The following DPYSL5 variants were observed in gnomAD, a reference collection of about 807,000 sequenced individuals.
DPYSL5 encodes the protein dihydropyrimidinase-related protein 5.
In DPYSL5, 9 loss-of-function variants were observed where a neutral mutation model predicts 58.4. The ratio of observed to expected loss-of-function variants is 0.15; its 90% CI spans 0.09 to 0.27. The LOEUF (loss-of-function observed/expected upper bound fraction) is 0.27, where lower values mean the gene tolerates loss of function less well. DPYSL5 is among the 10% of genes least tolerant of loss of function. The pLI is 1.00. For synonymous variants in DPYSL5, 293 were observed against 301.9 expected, an observed-to-expected ratio of 0.97 and a Z score of 0.31; for missense variants, 499 against 770.6, an observed-to-expected ratio of 0.65 and a Z score of 4.17.
intron 1 of DPYSL5, among the ~76,000 whole-genome samples, chr2:26,883,262 T>G (rs1219785135): frequency 6.6e-6 from 1 of 152,188 alleles, no homozygotes; most frequent in Non-Finnish European, 1.5e-5. Context: ...TATCTTGAGT[T>G]TTCTGATTAT....
intron 1 of DPYSL5, among the ~76,000 whole-genome samples, chr2:26,896,209 A>T (rs1166808705): frequency 6.6e-6 from 1 of 152,260 alleles, no homozygotes; most frequent in African/African-American, 2.4e-5. Context: ...GTTATTACAC[A>T]TGACAGGACC....
At chr2:26,874,471 A>T (rs1402626877) in intron 1 of DPYSL5, among the ~76,000 whole-genome samples, 1 of 151,942 alleles carries the variant, frequency 6.6e-6, no homozygotes, top group Admixed American at 6.6e-5. Context: ...TTGAAAGACT[A>T]CTCTTTCCCG....
rs542163809 is a variant in DPYSL5, at chr2:26,854,055, TAA to T, written c.-5+5803_-5+5804del. On this transcript the variant is annotated intron_variant, in intron 1 of 12. Transcript: ENST00000288699. ...ACTCTCTCAAAAATTAAAAAAAAAATAAAGTCAACTGATTATAGATGTTAACC... is the reference window on the plus strand; with the variant it reads ...ACTCTCTCAAAAATTAAAAAAAAAATAGTCAACTGATTATAGATGTTAACC... Among the ~76,000 whole-genome samples the T allele has an allele frequency of 1.7e-3, 259 of 151,376 alleles. 1 individual carries two copies. The highest frequency in any genetic ancestry group is 6.0e-3 in the African/African-American group (248 of 41,066).
At chr2:26,902,536 T>C (rs1664184393) in intron 2 of DPYSL5, among the ~76,000 whole-genome samples, 1 of 152,158 alleles carries the variant, frequency 6.6e-6, no homozygotes, top group Non-Finnish European at 1.5e-5. Flanking sequence ...GTGCCTTTTC[T>C]GCCTCCCTAT....
chr2:26,942,025 C>T lies in DPYSL5; in HGVS notation c.1165C>T (p.Pro389Ser), dbSNP rs765314115. Residue 389 changes from proline (P) to serine (S), a missense_variant, in exon 10 of 13, where the codon CCC becomes TCC. This residue lies in a region of DPYSL5 where 404 missense variants were observed against 647.6 expected (regional missense o/e 0.62). Transcript: ENST00000288699. The surrounding 1 kb of genome is among the most constrained non-coding windows in gnomAD (Gnocchi z 5.9). ...CGCAGCTAAGCTTCTGAACCTGTAT[C>T]CCCGCAAGGGCCGCATTATTCCCGG... ...SNAAKLLNLY[P>S]RKGRIIPGAD... 1.2e-6 allele frequency: 2 copies of T among 1,614,198 alleles called. No individual in the cohort carries two copies. Among genetic ancestry groups the T allele is most frequent in the African/African-American group, 2.7e-5 (2 of 75,048 alleles).
At chr2:26,865,665 T>C (rs987761040) in intron 1 of DPYSL5, among the ~76,000 whole-genome samples, 3 of 152,320 alleles carry the variant, frequency 2.0e-5, no homozygotes, top group Middle Eastern at 3.4e-3. Context: ...GCCCACTTTA[T>C]TGTATAAACA....
intron 1 of DPYSL5, among the ~76,000 whole-genome samples, chr2:26,874,460 G>T (rs1055960344): frequency 1.3e-5 from 2 of 152,020 alleles, no homozygotes; most frequent in African/African-American, 2.4e-5. Context: ...AGCATCATTT[G>T]TTGAAAGACT....
At chr2:26,899,905 GT>G (rs1664112523) in intron 2 of DPYSL5, among the ~76,000 whole-genome samples, 1 of 152,206 alleles carries the variant, frequency 6.6e-6, no homozygotes, top group Non-Finnish European at 1.5e-5. Flanking sequence ...TGCAACTGAT[GT>G]TTTGATTATG....
intron 1 of DPYSL5, among the ~76,000 whole-genome samples, chr2:26,886,316 G>A (rs1663719993): frequency 6.6e-6 from 1 of 152,166 alleles, no homozygotes; most frequent in East Asian, 1.9e-4. Flanking sequence ...TCAGATGAAT[G>A]AGGTGTGGAG....
chr2:26,874,603 G>A (rs1457666539), intron 1 of DPYSL5, among the ~76,000 whole-genome samples: 1 of 152,176 alleles, frequency 6.6e-6, no homozygotes, highest in East Asian at 1.9e-4. Context: ...ATACCACACT[G>A]TCTTGATAAC....
At chr2:26,882,174 G>C (rs192637037) in intron 1 of DPYSL5, among the ~76,000 whole-genome samples, 3 of 150,818 alleles carry the variant, frequency 2.0e-5, no homozygotes, top group Non-Finnish European at 4.4e-5. Flanking sequence ...AAGAGGGAAA[G>C]TTTTCCACCT....
chr2:26,871,945 A>T (rs1663271169), intron 1 of DPYSL5, among the ~76,000 whole-genome samples: 1 of 152,246 alleles, frequency 6.6e-6, no homozygotes, highest in African/African-American at 2.4e-5. Flanking sequence ...ATTACAAACT[A>T]GACCTTGGTC....
intron 6 of DPYSL5, among the ~76,000 whole-genome samples, chr2:26,932,097 GAGAA>G (rs1405093562): frequency 3.7e-5 from 1 of 27,024 alleles, no homozygotes; most frequent in African/African-American, 9.7e-5. Flanking sequence ...AAAAAAGAAA[GAGAA>G]AGAAAGAAAA....
At chr2:26,863,536 A>G (rs1308967798) in intron 1 of DPYSL5, among the ~76,000 whole-genome samples, 3 of 152,216 alleles carry the variant, frequency 2.0e-5, no homozygotes, top group African/African-American at 7.2e-5. Context: ...GCCTGCTTGA[A>G]CAGCTTTATT....
chr2:26,875,964 C>T lies in DPYSL5; in HGVS notation c.-4-22532C>T, dbSNP rs1572681598. Among the ~76,000 whole-genome samples, 4 of 152,192 alleles carry T rather than the reference C, an allele frequency of 2.6e-5. No homozygotes were observed. The East Asian group carries it at 7.7e-4, about 29-fold the overall frequency. On this transcript the variant is annotated intron_variant, in intron 1 of 12. Coordinates refer to ENST00000288699, the MANE Select transcript of DPYSL5 (RefSeq NM_020134.4). The stretch of plus-strand genomic sequence containing the variant: ...TCAAGAGATGTAGACGTATTCATCT[C>T]TTTTATCGGTAGGTATGCAGCAGGT...
intron 1 of DPYSL5, among the ~76,000 whole-genome samples, chr2:26,881,349 T>G (rs556767199): frequency 6.6e-6 from 1 of 152,216 alleles, no homozygotes; most frequent in African/African-American, 2.4e-5. Flanking sequence ...CTCCTGAGAG[T>G]GCCCACTGGC....
At chr2:26,932,196 AAAG>A (rs1558351625) in intron 6 of DPYSL5, among the ~76,000 whole-genome samples, 1,041 of 85,932 alleles carry the variant, frequency 0.012, 29 homozygotes, top group Non-Finnish European at 0.018. Flanking sequence ...AGAAAGAAAG[AAAG>A]AAAGAAAGAA....
chr2:26,942,701 T>C lies in DPYSL5; in HGVS notation c.1391T>C (p.Leu464Pro). 6.2e-7 allele frequency: 1 copy of C among 1,614,004 alleles called. No individual in the cohort carries two copies. The highest frequency in any genetic ancestry group is 8.5e-7 in the Non-Finnish European group (1 of 1,180,016). The change falls in exon 11 of 13, where the codon CTG becomes CCG. Residue 464 changes from leucine (L) to proline (P), a missense_variant. This residue lies in a region of DPYSL5 where 404 missense variants were observed against 647.6 expected (regional missense o/e 0.62). Coordinates refer to ENST00000288699, the MANE Select transcript of DPYSL5 (RefSeq NM_020134.4). The surrounding 1 kb of genome is among the most constrained non-coding windows in gnomAD (Gnocchi z 5.9). ...GAGGGCACCGGCAAGTTCTGTCCCC[T>C]GAGGTCCTTCCCAGACACTGTCTAC... is the stretch of plus-strand genomic sequence containing the variant. ...CAEGTGKFCPLRSFPDTVYKK... is the reference protein window; with the variant it reads ...CAEGTGKFCPPRSFPDTVYKK...
chr2:26,931,571 G>C, intron 5 of DPYSL5, 69 bp from the exon 6 acceptor site: 1 of 1,595,802 alleles, frequency 6.3e-7, no homozygotes, highest in Admixed American at 1.7e-5. Context: ...ATGAAGGGGA[G>C]AGTATGGTGT....
Sources: allele counts gnomAD v4.1 joint callset (sites outside exome capture counted in the v4.1 genomes callset), GRCh38; gene constraint gnomAD v4.1.1; regional missense constraint gnomAD v4.1.1; non-coding constraint Gnocchi (gnomAD v3.1); transcripts MANE v1.5; gene names NCBI Gene and HGNC (gene_info 2026-07-23, HGNC 2026-07-21).